Variants in SGCZ observed in about 807,000 individuals in gnomAD.
SGCZ encodes the protein zeta-sarcoglycan.
A neutral mutation model predicts 41.3 loss-of-function variants in SGCZ; 40 were observed. The observed-to-expected ratio is 0.97, with a 90% CI of 0.75 to 1.26. The LOEUF (loss-of-function observed/expected upper bound fraction) is 1.26. Ranked by LOEUF, SGCZ falls within the 50% of genes most tolerant of loss-of-function variation. SGCZ has a pLI of 0.00. For synonymous variants in SGCZ, 206 were observed against 137.5 expected (o/e 1.50, Z -3.49); for missense variants, 552 against 369.8 (o/e 1.49, Z -4.04).
chr8:14,115,271 C>T (rs1177206946), intron 5 of SGCZ, among the ~76,000 whole-genome samples: 2 of 151,922 alleles, frequency 1.3e-5, no homozygotes, highest in Non-Finnish European at 2.9e-5. Context: ...ATCAAGAATG[C>T]CCCTTTAGCA....
intron 1 of SGCZ, among the ~76,000 whole-genome samples, chr8:14,960,061 G>T (rs1015905687): frequency 4.6e-5 from 7 of 152,144 alleles, no homozygotes; most frequent in African/African-American, 1.4e-4. Flanking sequence ...CAAAGAGGTT[G>T]CACAGATTAT....
chr8:14,235,074 A>G (rs1806707153), intron 4 of SGCZ, among the ~76,000 whole-genome samples: 1 of 152,226 alleles, frequency 6.6e-6, no homozygotes, highest in Non-Finnish European at 1.5e-5. Context: ...TGACAACACC[A>G]TACTTCTTAT....
chr8:14,398,977 C>T (rs1173776641), intron 2 of SGCZ, among the ~76,000 whole-genome samples: 1 of 152,018 alleles, frequency 6.6e-6, no homozygotes, highest in Non-Finnish European at 1.5e-5. Flanking sequence ...GTAAATGTTC[C>T]TTGAAATAAC....
At chr8:14,961,014 G>C (rs546923257) in intron 1 of SGCZ, among the ~76,000 whole-genome samples, 4 of 151,998 alleles carry the variant, frequency 2.6e-5, no homozygotes, top group East Asian at 1.9e-4. Context: ...CAAAAGAAGA[G>C]AGTGCATTAT....
At chr8:14,895,690 T>C (rs1179505785) in intron 1 of SGCZ, among the ~76,000 whole-genome samples, 2 of 152,236 alleles carry the variant, frequency 1.3e-5, no homozygotes, top group African/African-American at 2.4e-5. Context: ...AAAATATTAC[T>C]GTGTGCCAGG....
chr8:14,141,454 C>T (rs549374304), intron 5 of SGCZ, among the ~76,000 whole-genome samples: 1 of 152,172 alleles, frequency 6.6e-6, no homozygotes, highest in Non-Finnish European at 1.5e-5. Context: ...CTACAAAGAA[C>T]TTAAACAAAT....
intron 1 of SGCZ, among the ~76,000 whole-genome samples, chr8:14,961,746 G>C (rs1432513906): frequency 1.3e-5 from 2 of 152,066 alleles, no homozygotes; most frequent in East Asian, 1.9e-4. Context: ...AAGAGAAAAG[G>C]CACGAATAAA....
intron 1 of SGCZ, among the ~76,000 whole-genome samples, chr8:15,177,278 G>T (rs961931841): frequency 1.3e-5 from 2 of 152,158 alleles, no homozygotes; most frequent in Admixed American, 1.3e-4. Context: ...TCGAAATTAT[G>T]CCAAGAGACA....
intron 2 of SGCZ, among the ~76,000 whole-genome samples, chr8:14,464,366 A>G (rs1321255538): frequency 6.6e-6 from 1 of 151,306 alleles, no homozygotes; most frequent in Admixed American, 6.6e-5. Flanking sequence ...TGTCCATTTC[A>G]TTAAGGTTAT....
At chr8:14,421,695 A>G (rs577306549) in intron 2 of SGCZ, among the ~76,000 whole-genome samples, 45 of 152,252 alleles carry the variant, frequency 3.0e-4, no homozygotes, top group African/African-American at 9.9e-4. Context: ...CACAAGCCCT[A>G]TCTTGTGTAA....
chr8:14,870,468 A>C (rs2130701327), intron 1 of SGCZ, among the ~76,000 whole-genome samples: 1 of 152,326 alleles, frequency 6.6e-6, no homozygotes, highest in Non-Finnish European at 1.5e-5. Flanking sequence ...CATAAGACTT[A>C]AAACCATAAA....
intron 1 of SGCZ, among the ~76,000 whole-genome samples, chr8:15,073,781 T>C (rs1304985768): frequency 6.6e-6 from 1 of 152,170 alleles, no homozygotes; most frequent in Non-Finnish European, 1.5e-5. Flanking sequence ...TTTGAGCCAA[T>C]TCTTTAAAAT....
intron 4 of SGCZ, among the ~76,000 whole-genome samples, chr8:14,187,633 G>T (rs1804948480): frequency 6.6e-6 from 1 of 151,650 alleles, no homozygotes; most frequent in East Asian, 1.9e-4. Flanking sequence ...AAGAATTAAT[G>T]ATATTAAAGA....
Position 14,305,434 on chromosome 8 carries a change from C to T in SGCZ, c.336+18669G>A, listed in dbSNP as rs183708437. On this transcript the variant is annotated intron_variant, in intron 3 of 7. Coordinates refer to ENST00000382080, the MANE Select transcript of SGCZ (RefSeq NM_139167.4). ...AAATCTCAATGAGGTTTCATGAGGT[C>T]TATATCTTCAAAAGCCATTCAAAAT... Among the ~76,000 whole-genome samples, 10 of 152,116 alleles carry T rather than the reference C, an allele frequency of 6.6e-5. No homozygotes were observed. In the East Asian group the frequency reaches 1.4e-3, roughly 21 times the overall value.
chr8:14,091,392 G>C (rs1285611534), intron 7 of SGCZ, among the ~76,000 whole-genome samples: 1 of 151,916 alleles, frequency 6.6e-6, no homozygotes, highest in Admixed American at 6.6e-5. Context: ...TCTAGTTCTA[G>C]ATCCATGAGG....
rs1309219407 is a variant in SGCZ, at chr8:14,687,029, C to G, written c.40-132103G>C. ...CCAAAACCAAGCCAAGCCAAATAAA[C>G]AAAAAAATTCTCTACTTTGGGCCCA... is the stretch of plus-strand genomic sequence containing the variant. On this transcript the variant is annotated intron_variant, in intron 1 of 7. Coordinates refer to ENST00000382080, the MANE Select transcript of SGCZ (RefSeq NM_139167.4). Among the ~76,000 whole-genome samples, 3 of 151,288 alleles carry G rather than the reference C, an allele frequency of 2.0e-5. No homozygotes were observed. The South Asian group carries it at 6.2e-4, about 31-fold the overall frequency.
At chr8:14,620,500 G>A (rs1419095732) in intron 1 of SGCZ, among the ~76,000 whole-genome samples, 8 of 152,102 alleles carry the variant, frequency 5.3e-5, no homozygotes, top group South Asian at 4.2e-4. Flanking sequence ...GAGTGAACAG[G>A]CAACCTACAG....
At chr8:14,588,759 A>C (rs1805145848) in intron 1 of SGCZ, among the ~76,000 whole-genome samples, 1 of 152,194 alleles carries the variant, frequency 6.6e-6, no homozygotes, top group African/African-American at 2.4e-5. Flanking sequence ...GTGTAGTCTA[A>C]TAGATTGATA....
chr8:14,525,143 CATAGATAG>C (rs35838178), intron 2 of SGCZ, among the ~76,000 whole-genome samples: 29,062 of 142,468 alleles, frequency 0.2, 2,924 homozygotes, highest in Middle Eastern at 0.31. Context: ...TAGATAGACA[CATAGATAG>C]ATAGATAGAT....
Sources: gnomAD v4.1 joint callset for allele counts (sites outside exome capture counted in the v4.1 genomes callset) on GRCh38, gnomAD v4.1.1 for gene constraint, MANE v1.5 for transcripts, NCBI Gene and HGNC (gene_info 2026-07-23, HGNC 2026-07-21) for gene names.